Variants in CSMD1 observed in about 807,000 individuals in gnomAD.
CSMD1 encodes the protein CUB and sushi domain-containing protein 1.
A neutral mutation model predicts 417.5 loss-of-function variants in CSMD1; 213 were observed. That is an observed-to-expected ratio of 0.51 (90% CI 0.46 to 0.57). The LOEUF (loss-of-function observed/expected upper bound fraction) is 0.57, where lower values mean the gene tolerates loss of function less well. CSMD1 is among the 20% of genes least tolerant of loss of function. The pLI is 0.00. For synonymous variants in CSMD1, 2,862 were observed against 1,736.8 expected, an observed-to-expected ratio of 1.65 and a Z score of -16.11; for missense variants, 6,923 against 4,529.7, an observed-to-expected ratio of 1.53 and a Z score of -15.17.
At chr8:3,551,654 C>T (rs1375394093) in intron 10 of CSMD1, among the ~76,000 whole-genome samples, 1 of 143,122 alleles carries the variant, frequency 7.0e-6, no homozygotes, top group Non-Finnish European at 1.5e-5. Flanking sequence ...TCATTTAATA[C>T]CAAGCCAGTG....
At chr8:3,737,020 G>A (rs1796556065) in intron 6 of CSMD1, among the ~76,000 whole-genome samples, 1 of 152,132 alleles carries the variant, frequency 6.6e-6, no homozygotes, top group Non-Finnish European at 1.5e-5. Context: ...ACACGACTGT[G>A]GTTACATGAT....
chr8:3,053,904 T>G (rs553920629), intron 49 of CSMD1, among the ~76,000 whole-genome samples: 9 of 152,352 alleles, frequency 5.9e-5, no homozygotes, highest in African/African-American at 2.2e-4. Context: ...ACCATGGATT[T>G]AAATTCAGAT....
chr8:3,933,667 T>A (rs62481577), intron 5 of CSMD1, among the ~76,000 whole-genome samples: 2 of 152,098 alleles, frequency 1.3e-5, no homozygotes, highest in Non-Finnish European at 2.9e-5. Flanking sequence ...ACAGTTATTA[T>A]TTTACAAAAT....
intron 1 of CSMD1, among the ~76,000 whole-genome samples, chr8:4,711,914 A>T (rs1477779579): frequency 1.3e-5 from 2 of 152,234 alleles, no homozygotes; most frequent in Non-Finnish European, 2.9e-5. Flanking sequence ...TGCCTACTAC[A>T]GGAAAGGGAC....
intron 3 of CSMD1, among the ~76,000 whole-genome samples, chr8:4,267,799 G>C (rs185328571): frequency 1.5e-4 from 23 of 151,984 alleles, no homozygotes; most frequent in Admixed American, 2.6e-4. Flanking sequence ...GGTATGAAAA[G>C]GTACATTGCA....
At chr8:4,341,563 T>C (rs1800479974) in intron 3 of CSMD1, among the ~76,000 whole-genome samples, 1 of 152,128 alleles carries the variant, frequency 6.6e-6, no homozygotes, top group African/African-American at 2.4e-5. Flanking sequence ...CAGTGTGATT[T>C]TGAGAAGAAA....
intron 7 of CSMD1, among the ~76,000 whole-genome samples, chr8:3,698,620 T>C (rs1800686423): frequency 1.3e-5 from 2 of 152,144 alleles, no homozygotes; most frequent in Admixed American, 6.5e-5. Flanking sequence ...AGCACTCGCG[T>C]CCCTAAAAGC....
intron 26 of CSMD1, among the ~76,000 whole-genome samples, chr8:3,263,729 G>A (rs1405342444): frequency 1.3e-5 from 2 of 152,220 alleles, no homozygotes; most frequent in East Asian, 1.9e-4. Context: ...TCCCAATTAA[G>A]TTCTTAAGAT....
intron 1 of CSMD1, among the ~76,000 whole-genome samples, chr8:4,966,170 C>G (rs1476682643): frequency 7.2e-6 from 1 of 139,164 alleles, no homozygotes; most frequent in Non-Finnish European, 1.5e-5. Flanking sequence ...TCCAGACCAG[C>G]TTGGCTAACA....
intron 5 of CSMD1, among the ~76,000 whole-genome samples, chr8:3,761,716 G>C (rs1394521555): frequency 6.6e-6 from 1 of 151,998 alleles, no homozygotes; most frequent in Non-Finnish European, 1.5e-5. Flanking sequence ...ATGTTGGCCA[G>C]GCTGGTCTCG....
chr8:4,173,641 A>C (rs1020961103), intron 3 of CSMD1, among the ~76,000 whole-genome samples: 2 of 152,162 alleles, frequency 1.3e-5, no homozygotes, highest in Non-Finnish European at 2.9e-5. Context: ...GAAACACTGA[A>C]TGCCACTTTT....
chr8:3,661,142 G>A (rs111329077), intron 7 of CSMD1, among the ~76,000 whole-genome samples: 5 of 152,160 alleles, frequency 3.3e-5, no homozygotes, highest in African/African-American at 9.7e-5. Context: ...GGAGAACTCC[G>A]TACTTTCGTA....
At chr8:3,768,971 G>T (rs1207524871) in intron 5 of CSMD1, among the ~76,000 whole-genome samples, 1 of 152,236 alleles carries the variant, frequency 6.6e-6, no homozygotes, top group Admixed American at 6.5e-5. Context: ...GAACAGGAAA[G>T]GCCTGGCGGA....
chr8:4,307,215 T>G (rs965992520), intron 3 of CSMD1, among the ~76,000 whole-genome samples: 1 of 152,194 alleles, frequency 6.6e-6, no homozygotes, highest in African/African-American at 2.4e-5. Flanking sequence ...CTCATTATTT[T>G]TATAATACAG....
chr8:3,832,918 C>T (rs58276887), intron 5 of CSMD1, among the ~76,000 whole-genome samples: 7,746 of 152,056 alleles, frequency 0.051, 623 homozygotes, highest in African/African-American at 0.16. Context: ...AATAGGAGTA[C>T]GTTTCCTTCA....
intron 3 of CSMD1, among the ~76,000 whole-genome samples, chr8:4,397,505 G>A (rs1295789482): frequency 7.5e-6 from 1 of 133,674 alleles, no homozygotes; most frequent in African/African-American, 2.8e-5. Flanking sequence ...CATGAGCAAT[G>A]TCAACAAGCC....
intron 37 of CSMD1, among the ~76,000 whole-genome samples, chr8:3,175,511 T>G (rs1017554906): frequency 1.5e-4 from 8 of 54,452 alleles, no homozygotes; most frequent in Non-Finnish European, 3.3e-4. Context: ...CTGCCTGCCT[T>G]TTTTCCTTCC....
chr8:4,971,971 G>C (rs1461243413), intron 1 of CSMD1, among the ~76,000 whole-genome samples: 1 of 151,930 alleles, frequency 6.6e-6, no homozygotes, highest in Non-Finnish European at 1.5e-5. Context: ...ATAATAAACA[G>C]GTGTTAGTGA....
intron 3 of CSMD1, among the ~76,000 whole-genome samples, chr8:4,111,345 T>A (rs993805324): frequency 6.6e-6 from 1 of 152,146 alleles, no homozygotes; most frequent in Non-Finnish European, 1.5e-5. Flanking sequence ...AAAAAGACCT[T>A]GGGAAAAGTT....
Sources: allele counts gnomAD v4.1 joint callset (sites outside exome capture counted in the v4.1 genomes callset), GRCh38; gene constraint gnomAD v4.1.1; transcripts MANE v1.5; gene names NCBI Gene and HGNC (gene_info 2026-07-23, HGNC 2026-07-21).